Variants in CRYBG3 observed in about 807,000 individuals in gnomAD.
CRYBG3 encodes the protein very large A-kinase anchor protein.
A neutral mutation model predicts 244.2 loss-of-function variants in CRYBG3; 127 were observed. The observed-to-expected ratio is 0.52, with a 90% CI of 0.45 to 0.60. The LOEUF is 0.60. Among genes scored for constraint, CRYBG3 ranks in the 20% least tolerant of loss-of-function variants. The pLI, the probability that CRYBG3 is intolerant of heterozygous loss-of-function variation, is 0.00. For missense variants in CRYBG3, 3,325 were observed against 3,442.5 expected, an observed-to-expected ratio of 0.97 and a Z score of 0.85; for synonymous variants, 1,132 against 1,195.8, an observed-to-expected ratio of 0.95 and a Z score of 1.10.
intron 2 of CRYBG3, among the ~76,000 whole-genome samples, chr3:97,858,610 T>C (rs1402987213): frequency 6.6e-6 from 1 of 152,148 alleles, no homozygotes; most frequent in African/African-American, 2.4e-5. Flanking sequence ...ATTGATACTT[T>C]CCATTGTATA....
At chr3:97,853,703 A>C (rs9826031) in intron 2 of CRYBG3, among the ~76,000 whole-genome samples, 106,364 of 152,092 alleles carry the variant, frequency 0.7, 39,162 homozygotes, top group East Asian at 0.82. Context: ...CCTTTCACTG[A>C]ATCCGTGTCA....
chr3:97,843,831 T>C (rs1478690923), intron 2 of CRYBG3, among the ~76,000 whole-genome samples: 1 of 152,186 alleles, frequency 6.6e-6, no homozygotes, highest in Non-Finnish European at 1.5e-5. Context: ...CTAAACCTTT[T>C]GATCTCTCTT....
Position 97,875,071 on chromosome 3 carries a change from A to G in CRYBG3, c.3877A>G (p.Asn1293Asp). ...VGEKNLLVDP[N>D]SMNVSCLLED... is the part of the protein sequence containing the mutation. ...TGAGAAGAATCTTCTTGTTGATCCT[A>G]ATAGTATGAATGTATCTTGTTTGTT... The change falls in exon 4 of 22, where the codon AAT (asparagine) becomes GAT (aspartate). Residue 1293 changes from asparagine (N) to aspartate (D), a missense_variant. Physicochemically the swap from Asn to Asp is conservative, Grantham distance 23. Transcript: ENST00000389622. The G allele has an allele frequency of 2.0e-6, 3 of 1,533,992 alleles. No homozygotes were observed. In the South Asian group the frequency reaches 3.6e-5, roughly 18 times the overall value.
chr3:97,884,005 A>G (rs1481797712), intron 7 of CRYBG3, among the ~76,000 whole-genome samples: 1 of 152,200 alleles, frequency 6.6e-6, no homozygotes, highest in African/African-American at 2.4e-5. Flanking sequence ...CCACCCAAAC[A>G]TTGTTTGTAC....
At chr3:97,904,973 G>A (rs1193570282) in intron 15 of CRYBG3, among the ~76,000 whole-genome samples, 4 of 147,280 alleles carry the variant, frequency 2.7e-5, no homozygotes, top group Non-Finnish European at 5.9e-5. Context: ...CCACCTATGA[G>A]TGAGAATATG....
At chr3:97,933,520 T>A (rs1389234248) in intron 17 of CRYBG3, 174 bp from the exon 18 acceptor site, 1 of 731,834 alleles carries the variant, frequency 1.4e-6, no homozygotes, top group East Asian at 2.6e-5. Context: ...GAACAAAAAT[T>A]ATTAATAAAA....
In CRYBG3 at chr3:97,874,371, T is replaced by C; in HGVS notation, c.3177T>C (p.Ser1059=). ...NIHFLNGGID[S]VSSSSSYPEE... ...ATTTTTTAAATGGTGGTATTGATAG[T>C]GTGTCATCTTCCTCTAGTTACCCTG... The change falls in exon 4 of 22, where the codon AGT becomes AGC. Residue 1059 remains serine (S), a synonymous_variant. Coordinates refer to ENST00000389622, the MANE Select transcript of CRYBG3 (RefSeq NM_153605.4). 6.5e-7 allele frequency: 1 copy of C among 1,529,928 alleles called. No homozygotes were observed. Among genetic ancestry groups the C allele is most frequent in the Non-Finnish European group, 8.7e-7 (1 of 1,145,206 alleles). 94.8% of individuals were successfully genotyped at this position (1,529,928 alleles called of 1,614,324 possible).
intron 1 of CRYBG3, among the ~76,000 whole-genome samples, chr3:97,824,963 T>C (rs1392858153): frequency 6.6e-6 from 1 of 152,080 alleles, no homozygotes; most frequent in Non-Finnish European, 1.5e-5. Flanking sequence ...CTGGTAGGGA[T>C]GATTTTAACT....
At chr3:97,923,919 G>C (rs887827435) in intron 17 of CRYBG3, among the ~76,000 whole-genome samples, 4 of 152,032 alleles carry the variant, frequency 2.6e-5, no homozygotes, top group Non-Finnish European at 4.4e-5. Flanking sequence ...CTCCTTTTAG[G>C]GGGTAGAGGT....
intron 3 of CRYBG3, among the ~76,000 whole-genome samples, chr3:97,866,018 GA>G (rs1452828062): frequency 5.3e-5 from 8 of 151,980 alleles, no homozygotes; most frequent in Non-Finnish European, 8.8e-5. Context: ...CTCACCAATA[GA>G]AAAGTCAAAC....
intron 10 of CRYBG3, among the ~76,000 whole-genome samples, 160 bp from the exon 11 acceptor site, chr3:97,892,700 A>G (rs1353928588): frequency 6.6e-6 from 1 of 152,104 alleles, no homozygotes; most frequent in African/African-American, 2.4e-5. Flanking sequence ...CAATCCCTGC[A>G]TAGTTTTTTG....
At chr3:97,851,889 C>T (rs2038991512) in intron 2 of CRYBG3, among the ~76,000 whole-genome samples, 1 of 152,048 alleles carries the variant, frequency 6.6e-6, no homozygotes, top group Non-Finnish European at 1.5e-5. Flanking sequence ...GTGGAAGCAG[C>T]AAATCCGGTT....
chr3:97,886,609 C>A, intron 7 of CRYBG3, 22 bp from the exon 8 acceptor site: 1 of 1,587,756 alleles, frequency 6.3e-7, no homozygotes, highest in Non-Finnish European at 8.6e-7. Flanking sequence ...GATTTCAAAG[C>A]CAAATTATTT....
chr3:97,864,965 A>G (rs1407498504), intron 3 of CRYBG3, among the ~76,000 whole-genome samples: 4 of 152,134 alleles, frequency 2.6e-5, no homozygotes, highest in Non-Finnish European at 5.9e-5. Flanking sequence ...TTTTCGGGGA[A>G]AATGGTCCTC....
At chr3:97,885,602 T>C (rs2039498690) in intron 7 of CRYBG3, among the ~76,000 whole-genome samples, 1 of 152,168 alleles carries the variant, frequency 6.6e-6, no homozygotes, top group African/African-American at 2.4e-5. Flanking sequence ...AGAACTTGAC[T>C]ATTAGAAGAG....
intron 18 of CRYBG3, 89 bp downstream of exon 18, chr3:97,933,922 A>G: frequency 8.9e-7 from 1 of 1,120,262 alleles, no homozygotes; most frequent in Non-Finnish European, 1.3e-6. Context: ...GTGTAGTAGT[A>G]CGCATTCAAG....
chr3:97,877,411 G>T lies in CRYBG3; in HGVS notation c.6217G>T (p.Val2073Leu), dbSNP rs539456501. The change falls in exon 4 of 22, where the codon GTG becomes TTG. Residue 2073 changes from valine to leucine, a missense_variant. Physicochemically the swap from Val to Leu is conservative, Grantham distance 32 (BLOSUM62 1). Coordinates refer to ENST00000389622, the MANE Select transcript of CRYBG3 (RefSeq NM_153605.4). ...DSDSSEMFLS[V>L]EAKRYKIYPL... The stretch of plus-strand genomic sequence containing the variant: ...TGATAGTTCAGAAATGTTCTTATCA[G>T]TGGAGGCCAAAAGGTACAAAATTTA... 8.1e-6 allele frequency: 13 copies of T among 1,614,154 alleles called. No individual in the cohort carries two copies. In the South Asian group the frequency reaches 1.2e-4, roughly 15 times the overall value.
chr3:97,906,647 T>G (rs1437444938), intron 15 of CRYBG3, among the ~76,000 whole-genome samples: 1 of 140,458 alleles, frequency 7.1e-6, no homozygotes, highest in Non-Finnish European at 1.5e-5. Context: ...GATTTTGGGC[T>G]GAGACAATGG....
chr3:97,904,786 G>C (rs1166721293), intron 15 of CRYBG3, among the ~76,000 whole-genome samples: 1 of 145,344 alleles, frequency 6.9e-6, no homozygotes, highest in Non-Finnish European at 1.5e-5. Flanking sequence ...TGTGCACCTT[G>C]TGCAGGTTAG....
Sources: gnomAD v4.1 joint callset for allele counts (sites outside exome capture counted in the v4.1 genomes callset) on GRCh38, gnomAD v4.1.1 for gene constraint, MANE v1.5 for transcripts, NCBI Gene and HGNC (gene_info 2026-07-23, HGNC 2026-07-21) for gene names.